The following PITPNC1 variants were observed in gnomAD, a reference collection of about 807,000 sequenced individuals.
The protein encoded by PITPNC1 is phosphatidylinositol transfer protein cytoplasmic 1.
In PITPNC1, 18 loss-of-function variants were observed where a neutral mutation model predicts 44.7. The observed-to-expected ratio is 0.40, with a 90% confidence interval of 0.28 to 0.60. PITPNC1 has a LOEUF of 0.60. Ranked by LOEUF, PITPNC1 falls within the 20% of genes least tolerant of loss-of-function variation. The pLI is 0.39. For missense variants in PITPNC1, 290 were observed against 418.4 expected, an observed-to-expected ratio of 0.69 and a Z score of 2.68; for synonymous variants, 141 against 149.6, an observed-to-expected ratio of 0.94 and a Z score of 0.42.
intron 1 of PITPNC1, among the ~76,000 whole-genome samples, chr17:67,491,657 A>G (rs2039866273): frequency 6.6e-6 from 1 of 152,174 alleles, no homozygotes; most frequent in Non-Finnish European, 1.5e-5. Flanking sequence ...CCAGCAACAT[A>G]GTAAGACTCC....
At chr17:67,551,937 C>T (rs1303411155) in intron 2 of PITPNC1, among the ~76,000 whole-genome samples, 1 of 152,180 alleles carries the variant, frequency 6.6e-6, no homozygotes, top group East Asian at 1.9e-4. Flanking sequence ...AAAGGTCAGG[C>T]TGGCCAACCC....
At chr17:67,691,357 C>T (rs544023499) in intron 8 of PITPNC1, among the ~76,000 whole-genome samples, 85 of 152,232 alleles carry the variant, frequency 5.6e-4, no homozygotes, top group Non-Finnish European at 1.0e-4. Context: ...AAGAACATTT[C>T]AGGTATTTGG....
chr17:67,386,183 A>G (rs2038048454), intron 1 of PITPNC1, among the ~76,000 whole-genome samples: 2 of 152,292 alleles, frequency 1.3e-5, no homozygotes, highest in South Asian at 2.1e-4. Flanking sequence ...AGGCATTAAA[A>G]GAAATTAATA....
intron 1 of PITPNC1, among the ~76,000 whole-genome samples, chr17:67,394,674 C>T (rs373855068): frequency 1.4e-3 from 206 of 152,076 alleles, no homozygotes; most frequent in African/African-American, 4.7e-3. Flanking sequence ...GAGGCCGAGG[C>T]GGGTGGATCA....
chr17:67,622,569 G>A (rs1598898618), intron 5 of PITPNC1, among the ~76,000 whole-genome samples: 1 of 139,984 alleles, frequency 7.1e-6, no homozygotes, highest in South Asian at 2.2e-4. Context: ...CTCTCCAACT[G>A]AATATGCTGC....
At chr17:67,424,770 G>C (rs551042209) in intron 1 of PITPNC1, among the ~76,000 whole-genome samples, 1 of 151,624 alleles carries the variant, frequency 6.6e-6, no homozygotes, top group Non-Finnish European at 1.5e-5. Flanking sequence ...TGATCGGCTC[G>C]CTGCAACCTC....
intron 6 of PITPNC1, chr17:67,638,823 A>C (rs2042061722): frequency 6.6e-6 from 1 of 152,062 alleles, no homozygotes; most frequent in African/African-American, 2.4e-5. Context: ...GAACATCCAA[A>C]ATGGGCCAGG....
intron 2 of PITPNC1, among the ~76,000 whole-genome samples, chr17:67,546,309 A>C (rs929538811): frequency 6.6e-6 from 1 of 151,326 alleles, no homozygotes; most frequent in Non-Finnish European, 1.5e-5. Context: ...ATATATATAT[A>C]TATATATTTA....
intron 6 of PITPNC1, among the ~76,000 whole-genome samples, chr17:67,666,801 A>G (rs2042429390): frequency 6.6e-6 from 1 of 152,202 alleles, no homozygotes; most frequent in Admixed American, 6.5e-5. Flanking sequence ...AAAAGGTCCT[A>G]ACAGAGGAGG....
chr17:67,624,372 C>T (rs567392633), intron 5 of PITPNC1, among the ~76,000 whole-genome samples: 1 of 152,078 alleles, frequency 6.6e-6, no homozygotes, highest in Admixed American at 6.6e-5. Context: ...CCACCACACC[C>T]AGCTCATTTT....
At chr17:67,596,974 A>G (rs2144265996) in intron 5 of PITPNC1, among the ~76,000 whole-genome samples, 1 of 152,010 alleles carries the variant, frequency 6.6e-6, no homozygotes, top group African/African-American at 2.4e-5. Context: ...GCTCACTGCA[A>G]CCTCCACCTC....
chr17:67,377,585 G>A lies in PITPNC1; in HGVS notation c.-570G>A, dbSNP rs1030774428. On this transcript the variant is annotated 5_prime_UTR_variant, in exon 1 of 9. Coordinates refer to ENST00000581322, the MANE Select transcript of PITPNC1 (RefSeq NM_012417.4). Reference sequence around the variant, plus strand: ...GGCCCTAAAAAGAGCAGGAAATCTTGTTTACCGCCCGCGGAGAGAAGCCGA... The same window carrying A: ...GGCCCTAAAAAGAGCAGGAAATCTTATTTACCGCCCGCGGAGAGAAGCCGA... The A allele has an allele frequency of 1.3e-5, 2 of 152,972 alleles. No individual in the cohort carries two copies. The highest frequency in any genetic ancestry group is 6.5e-5 in the Admixed American group (1 of 15,276). 9.5% of individuals were successfully genotyped at this position (152,972 alleles called of 1,614,324 possible). A position where few individuals can be genotyped will look rare whatever the true frequency, so the allele number is the denominator to read the frequency against.
At chr17:67,413,946 A>G (rs1396686101) in intron 1 of PITPNC1, among the ~76,000 whole-genome samples, 2 of 152,302 alleles carry the variant, frequency 1.3e-5, no homozygotes, top group East Asian at 3.9e-4. Flanking sequence ...CAAGCGTTCC[A>G]GGGATTTATT....
intron 1 of PITPNC1, among the ~76,000 whole-genome samples, chr17:67,449,666 C>G (rs12604007): frequency 0.43 from 66,058 of 152,004 alleles, 15,607 homozygotes; most frequent in Non-Finnish European, 0.54. Flanking sequence ...AGAATTGAAA[C>G]TCAACAAGTT....
intron 1 of PITPNC1, among the ~76,000 whole-genome samples, chr17:67,401,495 A>G (rs117191325): frequency 0.024 from 3,605 of 152,208 alleles, 74 homozygotes; most frequent in Non-Finnish European, 0.038. Flanking sequence ...CGTTTCTACC[A>G]CTATAGTGAC....
chr17:67,379,385 G>A (rs2037923760), intron 1 of PITPNC1: 1 of 985,256 alleles, frequency 1.0e-6, no homozygotes, highest in Non-Finnish European at 1.2e-6. Context: ...TCTGGACCAA[G>A]GGTTAAGGTA....
chr17:67,624,900 C>T (rs910516871), intron 5 of PITPNC1, among the ~76,000 whole-genome samples: 2 of 152,142 alleles, frequency 1.3e-5, no homozygotes, highest in African/African-American at 4.8e-5. Context: ...TTGTAAGACA[C>T]TTGATACTTA....
rs1411748835 is a variant in PITPNC1 at position 67,508,361 on chromosome 17, G to A, written c.49-24441G>A. On this transcript the variant is annotated intron_variant, in intron 1 of 8. Coordinates refer to ENST00000581322, the MANE Select transcript of PITPNC1 (RefSeq NM_012417.4). This position sits in a 1 kb window ranked among gnomAD's most constrained non-coding sequence, Gnocchi z 4.2. ...TAATGATGTGCTAAACAAGGGGTGG[G>A]TTATTCATGCCTACTCTTTTACACC... Among the ~76,000 whole-genome samples, 1 of 152,198 alleles carries A rather than the reference G, an allele frequency of 6.6e-6. No homozygotes were observed. The highest frequency in any genetic ancestry group is 2.4e-5 in the African/African-American group (1 of 41,448).
intron 8 of PITPNC1, among the ~76,000 whole-genome samples, chr17:67,692,014 G>GA (rs112070314): frequency 4.3e-4 from 57 of 132,988 alleles, no homozygotes; most frequent in Middle Eastern, 3.8e-3. Context: ...GTCTCAGAAA[G>GA]AAAAAAAAAA....
Sources: allele counts gnomAD v4.1 joint callset (sites outside exome capture counted in the v4.1 genomes callset), GRCh38; gene constraint gnomAD v4.1.1; non-coding constraint Gnocchi (gnomAD v3.1); transcripts MANE v1.5; gene names NCBI Gene and HGNC (gene_info 2026-07-23, HGNC 2026-07-21).